RNF4: variants seen among roughly 807,000 people sequenced by gnomAD.
RNF4 encodes the protein E3 ubiquitin-protein ligase RNF4.
Under a neutral mutation model 24.3 loss-of-function variants are expected in RNF4, and 7 were observed. That is an observed-to-expected ratio of 0.29 (90% CI 0.16 to 0.54). The LOEUF (loss-of-function observed/expected upper bound fraction) is 0.54, where lower values mean the gene tolerates loss of function less well. Among genes scored for constraint, RNF4 ranks in the 20% least tolerant of loss-of-function variants. The pLI is 0.95. For synonymous variants in RNF4, 83 were observed against 84.3 expected, an observed-to-expected ratio of 0.98 and a Z score of 0.09; for missense variants, 209 against 248.5, an observed-to-expected ratio of 0.84 and a Z score of 1.07.
At chr4:2,475,407 C>T (rs913947329) in intron 1 of RNF4, among the ~76,000 whole-genome samples, 15 of 152,080 alleles carry the variant, frequency 9.9e-5, no homozygotes, top group African/African-American at 1.9e-4. Flanking sequence ...GGCGCGATCT[C>T]GGCTCATTGC....
intron 1 of RNF4, among the ~76,000 whole-genome samples, chr4:2,487,815 A>AG (rs1427504622): frequency 5.3e-5 from 8 of 152,188 alleles, no homozygotes; most frequent in South Asian, 2.1e-4. Flanking sequence ...GAAACAGTGA[A>AG]GGGGATTTCC....
chr4:2,473,255 G>A (rs1006525484), intron 1 of RNF4, among the ~76,000 whole-genome samples: 1 of 151,762 alleles, frequency 6.6e-6, no homozygotes, highest in Non-Finnish European at 1.5e-5. Flanking sequence ...ATGGTGGCAC[G>A]CTCCTGTAGT....
At chr4:2,495,241 T>C (rs941962435) in intron 2 of RNF4, among the ~76,000 whole-genome samples, 3 of 152,184 alleles carry the variant, frequency 2.0e-5, no homozygotes, top group Admixed American at 2.0e-4. Context: ...AAGCTGCCAT[T>C]TGATAAGAGT....
In RNF4 at chr4:2,514,259, TC is replaced by T. The variant is rs1321584761; in HGVS notation, c.*443del. The T allele has an allele frequency of 1.6e-5, 3 of 185,974 alleles. No individual in the cohort carries two copies. The highest frequency in any genetic ancestry group is 1.6e-4 in the Admixed American group (3 of 18,750). 11.5% of individuals were successfully genotyped at this position (185,974 alleles called of 1,614,324 possible). On this transcript the variant is annotated 3_prime_UTR_variant, in exon 8 of 8. Coordinates refer to ENST00000314289, the MANE Select transcript of RNF4 (RefSeq NM_002938.5). ...AGACCCGGTTCACCCAGCTCGAGGA[TC>T]CCAGGTTGAAGAGTGGCCCCTTGAG...
chr4:2,484,453 C>A (rs1384347152), intron 1 of RNF4, among the ~76,000 whole-genome samples: 1 of 152,074 alleles, frequency 6.6e-6, no homozygotes, highest in Non-Finnish European at 1.5e-5. Flanking sequence ...GATAGAGACA[C>A]ATGCACATAT....
rs1578517074 is a variant in RNF4, at chr4:2,499,159, T to C, written c.125-1500T>C. ...TTGCAGTGAGCCGAGATCGTGCCAC[T>C]GCACTCCTGCCTGGACGACAGAGCG... On this transcript the variant is annotated intron_variant, in intron 3 of 7. Coordinates refer to ENST00000314289, the MANE Select transcript of RNF4 (RefSeq NM_002938.5). 2.0e-5 allele frequency among the ~76,000 whole-genome samples: 3 copies of C among 152,196 alleles called. No homozygotes were observed. In the East Asian group the frequency reaches 5.8e-4, roughly 29 times the overall value.
chr4:2,473,966 G>A (rs911427085), intron 1 of RNF4, among the ~76,000 whole-genome samples: 1 of 152,054 alleles, frequency 6.6e-6, no homozygotes, highest in Non-Finnish European at 1.5e-5. Context: ...TAGTAATCCC[G>A]GCCACTCCAG....
intron 1 of RNF4, among the ~76,000 whole-genome samples, chr4:2,487,113 C>G (rs71608203): frequency 6.6e-6 from 1 of 152,078 alleles, no homozygotes; most frequent in African/African-American, 2.4e-5. Context: ...TGAACACTTA[C>G]CAGGTGAGGT....
chr4:2,504,392 C>G (rs2108773201), intron 4 of RNF4, among the ~76,000 whole-genome samples: 1 of 152,244 alleles, frequency 6.6e-6, no homozygotes, highest in East Asian at 1.9e-4. Flanking sequence ...TTTAGCCATT[C>G]TGATGCTTGT....
In RNF4 at chr4:2,472,822, C is replaced by T. The variant is rs981614776; in HGVS notation, c.-158+3564C>T. Among the ~76,000 whole-genome samples, 10 of 151,100 alleles carry T rather than the reference C, an allele frequency of 6.6e-5. No individual in the cohort carries two copies. The South Asian group carries it at 1.9e-3, about 29-fold the overall frequency. On this transcript the variant is annotated intron_variant, in intron 1 of 7. Transcript: ENST00000314289. ...TTTGGGAGGCGAAGTGGGCGGATCA[C>T]AAGGTCAGGAGATCGAGACCATCCT... is the stretch of plus-strand genomic sequence containing the variant.
At chr4:2,482,828 A>G (rs1445729692) in intron 1 of RNF4, among the ~76,000 whole-genome samples, 1 of 146,844 alleles carries the variant, frequency 6.8e-6, no homozygotes, top group Admixed American at 7.4e-5. Context: ...CCTTAGGAAT[A>G]AATAACTCTG....
chr4:2,472,437 A>G (rs1205166241), intron 1 of RNF4, among the ~76,000 whole-genome samples: 4 of 152,132 alleles, frequency 2.6e-5, no homozygotes, highest in African/African-American at 7.2e-5. Context: ...AGTAATTTCA[A>G]CTCTCAAATC....
chr4:2,510,855 A>G (rs139689946), intron 4 of RNF4, among the ~76,000 whole-genome samples: 2 of 152,334 alleles, frequency 1.3e-5, no homozygotes, highest in East Asian at 3.8e-4. Context: ...CTGTTGGAGC[A>G]GAAATTGTCT....
intron 1 of RNF4, among the ~76,000 whole-genome samples, chr4:2,482,347 T>A (rs991342637): frequency 1.6e-4 from 25 of 152,196 alleles, no homozygotes; most frequent in Admixed American, 6.5e-4. Context: ...TCCAGCAGGC[T>A]CTGTGCTCAG....
chr4:2,504,104 C>G (rs1375292072), intron 4 of RNF4, among the ~76,000 whole-genome samples: 1 of 152,134 alleles, frequency 6.6e-6, no homozygotes, highest in Admixed American at 6.6e-5. Context: ...GCACATTCTT[C>G]CAACTTTCGA....
chr4:2,495,465 C>T (rs933838162), intron 2 of RNF4, among the ~76,000 whole-genome samples: 7 of 152,120 alleles, frequency 4.6e-5, no homozygotes, highest in African/African-American at 1.7e-4. Context: ...CTCATTTAGA[C>T]CTTATAACAG....
At chr4:2,504,662 T>G (rs2108773547) in intron 4 of RNF4, among the ~76,000 whole-genome samples, 1 of 151,066 alleles carries the variant, frequency 6.6e-6, no homozygotes, top group African/African-American at 2.4e-5. Context: ...GCCATTCTCC[T>G]GCCTCAGCCT....
chr4:2,514,778 T>C lies in RNF4; in HGVS notation c.*959T>C, dbSNP rs1228937895. On this transcript the variant is annotated 3_prime_UTR_variant, in exon 8 of 8. Coordinates refer to ENST00000314289, the MANE Select transcript of RNF4 (RefSeq NM_002938.5). ...CAGTAATTGTGGCCTTATCAGCCGC[T>C]CAGTTCCAGGCTTTTGCCCAGGTCA... is the stretch of plus-strand genomic sequence containing the variant. 1 of 152,684 alleles carries C rather than the reference T, an allele frequency of 6.5e-6. No individual in the cohort carries two copies. The highest frequency in any genetic ancestry group is 1.5e-5 in the Non-Finnish European group (1 of 68,092). 9.5% of individuals were successfully genotyped at this position (152,684 alleles called of 1,614,324 possible). A position where few individuals can be genotyped will look rare whatever the true frequency, so the allele number is the denominator to read the frequency against.
At chr4:2,492,884 C>A (rs1735622336) in intron 2 of RNF4, among the ~76,000 whole-genome samples, 1 of 152,154 alleles carries the variant, frequency 6.6e-6, no homozygotes, top group Non-Finnish European at 1.5e-5. Context: ...TCAGAACAGG[C>A]AAAACAATGT....
Sources: allele counts gnomAD v4.1 joint callset (sites outside exome capture counted in the v4.1 genomes callset), GRCh38; gene constraint gnomAD v4.1.1; transcripts MANE v1.5; gene names NCBI Gene and HGNC (gene_info 2026-07-23, HGNC 2026-07-21).